NCOA3: variants seen among roughly 807,000 people sequenced by gnomAD.
The protein encoded by NCOA3 is nuclear receptor coactivator 3.
NCOA3 carries 51 observed loss-of-function variants against 158.8 expected under a neutral mutation model. The observed-to-expected ratio is 0.32, with a 90% CI of 0.26 to 0.41. NCOA3 has a LOEUF of 0.41. Ranked by LOEUF, NCOA3 falls within the 10% of genes least tolerant of loss-of-function variation. The pLI is 1.00. For missense variants in NCOA3, 1,510 were observed against 1,746.6 expected (o/e 0.86, Z 2.41); for synonymous variants, 537 against 592.4 (o/e 0.91, Z 1.36).
At chr20:47,588,722 G>A (rs938115323) in intron 2 of NCOA3, among the ~76,000 whole-genome samples, 2 of 151,666 alleles carry the variant, frequency 1.3e-5, no homozygotes, top group Non-Finnish European at 2.9e-5. Context: ...GTATCTGTAT[G>A]TTTTATTTAT....
chr20:47,648,829 GACTTTT>G (rs1568756394), intron 18 of NCOA3, among the ~76,000 whole-genome samples, 170 bp from the exon 19 acceptor site: 1 of 152,176 alleles, frequency 6.6e-6, no homozygotes, highest in Non-Finnish European at 1.5e-5. Context: ...GCTAGCCAAA[GACTTTT>G]CAACATTGAC....
intron 6 of NCOA3, 51 bp downstream of exon 6, chr20:47,627,227 C>T: frequency 1.4e-6 from 2 of 1,400,714 alleles, no homozygotes; most frequent in East Asian, 2.3e-5. Context: ...TTTCCTTGAC[C>T]ATTTCTTAGA....
intron 1 of NCOA3, among the ~76,000 whole-genome samples, chr20:47,548,834 G>T (rs868726904): frequency 1.3e-5 from 2 of 152,194 alleles, no homozygotes; most frequent in African/African-American, 4.8e-5. Flanking sequence ...TTAGGCACAA[G>T]ATGTGAAATA....
intron 1 of NCOA3, among the ~76,000 whole-genome samples, chr20:47,580,377 C>T (rs1013662342): frequency 2.0e-5 from 3 of 152,028 alleles, no homozygotes; most frequent in African/African-American, 7.3e-5. Context: ...CCAGCCTGGC[C>T]AATGTAGTGA....
intron 1 of NCOA3, among the ~76,000 whole-genome samples, chr20:47,564,732 TTTTC>T (rs1428942460): frequency 6.6e-6 from 1 of 152,148 alleles, no homozygotes; most frequent in African/African-American, 2.4e-5. Context: ...CACAATACCA[TTTTC>T]TTTATTTTAC....
Position 47,558,232 on chromosome 20 carries a change from ATTTTTTTTTTTTTTTTTT to A in NCOA3, c.-98-24939_-98-24922del, listed in dbSNP as rs71183263. 1.3e-4 allele frequency among the ~76,000 whole-genome samples: 7 copies of A among 55,534 alleles called. No individual in the cohort carries two copies. The Admixed American group carries it at 1.8e-3, about 14-fold the overall frequency. The allele number at this position is 55,534 out of a possible 152,430, so 36.4% of individuals were successfully genotyped here. A position where few individuals can be genotyped will look rare whatever the true frequency, so the allele number is the denominator to read the frequency against. ...CACCTCCACGCCCAGCTAATTTTGT[ATTTTTTTTTTTTTTTTTT>A]TTTTTTTTTTTAGTAGAGATGGGGT... On this transcript the variant is annotated intron_variant, in intron 1 of 22. Transcript: ENST00000371998.
At chr20:47,567,760 G>A (rs1298235439) in intron 1 of NCOA3, among the ~76,000 whole-genome samples, 2 of 151,994 alleles carry the variant, frequency 1.3e-5, no homozygotes, top group East Asian at 3.9e-4. Context: ...TAGTAGAGAC[G>A]GGGTTTCACC....
intron 2 of NCOA3, among the ~76,000 whole-genome samples, chr20:47,592,884 C>T (rs1018554235): frequency 6.6e-5 from 10 of 152,158 alleles, no homozygotes; most frequent in African/African-American, 2.2e-4. Flanking sequence ...GACATTCCTC[C>T]AGCAGTGAAA....
intron 6 of NCOA3, 38 bp from the exon 7 acceptor site, chr20:47,627,523 C>T (rs1258733810): frequency 2.0e-6 from 3 of 1,518,256 alleles, no homozygotes; most frequent in East Asian, 2.3e-5. Context: ...AATGAGTTAC[C>T]AGCTTTTTAA....
chr20:47,625,438 A>C lies in NCOA3; in HGVS notation c.314A>C (p.Gln105Pro). ...VQKADVSSTG[Q>P]GVIDKDSLGP... is the part of the protein sequence containing the mutation. ...AAAGCCGATGTATCTTCTACAGGGCAGGGAGTTATTGATAAAGACTCCTTA... is the reference window on the plus strand; with the variant it reads ...AAAGCCGATGTATCTTCTACAGGGCCGGGAGTTATTGATAAAGACTCCTTA... The change falls in exon 5 of 23, where the codon CAG becomes CCG. Residue 105 changes from glutamine (Q) to proline (P), a missense_variant. Transcript: ENST00000371998. 1 of 1,613,862 alleles carries C rather than the reference A, an allele frequency of 6.2e-7. No homozygotes were observed. Among genetic ancestry groups the C allele is most frequent in the Non-Finnish European group, 8.5e-7 (1 of 1,179,826 alleles).
intron 1 of NCOA3, among the ~76,000 whole-genome samples, chr20:47,515,588 G>A (rs117028969): frequency 0.013 from 2,012 of 150,486 alleles, 20 homozygotes; most frequent in Non-Finnish European, 0.019. Flanking sequence ...GGGTTTAAGC[G>A]ATTCTTATGC....
At chr20:47,641,490 C>CTTTTTT (rs71183270) in intron 16 of NCOA3, among the ~76,000 whole-genome samples, 672 of 48,374 alleles carry the variant, frequency 0.014, 85 homozygotes, top group Non-Finnish European at 0.019. Context: ...TGGCTCCCTT[C>CTTTTTT]TTTTTTTTTT....
chr20:47,517,144 G>C (rs1019578856), intron 1 of NCOA3, among the ~76,000 whole-genome samples: 1 of 152,162 alleles, frequency 6.6e-6, no homozygotes, highest in East Asian at 1.9e-4. Context: ...CTTGAACCTT[G>C]GAGGTGGAGG....
At position 47,565,570 on chromosome 20, in the gene NCOA3, G is replaced by A. The variant is rs552407692; in HGVS notation, c.-98-17613G>A. ...GTCTCTACTAAAACCACAAAAATTA[G>A]CTGGGCATAGTGTCATGCACCTGTA... is the stretch of plus-strand genomic sequence containing the variant. On this transcript the variant is annotated intron_variant, in intron 1 of 22. Transcript: ENST00000371998. Among the ~76,000 whole-genome samples, 14 of 152,190 alleles carry A rather than the reference G, an allele frequency of 9.2e-5. No individual in the cohort carries two copies. In the East Asian group the frequency reaches 2.5e-3, roughly 27 times the overall value.
chr20:47,609,145 G>C (rs893781440), intron 2 of NCOA3, among the ~76,000 whole-genome samples: 2 of 152,108 alleles, frequency 1.3e-5, no homozygotes, highest in Non-Finnish European at 2.9e-5. Context: ...AATTTCTGAT[G>C]ATCTACTTAC....
At chr20:47,590,678 T>G (rs1206040898) in intron 2 of NCOA3, among the ~76,000 whole-genome samples, 1 of 152,158 alleles carries the variant, frequency 6.6e-6, no homozygotes. Context: ...GCATTGTGTG[T>G]CACATGCCTG....
chr20:47,635,999 T>C lies in NCOA3; in HGVS notation c.1613T>C (p.Leu538Ser), dbSNP rs756520089. Residue 538 changes from leucine (L) to serine (S), a missense_variant, in exon 12 of 23, where the codon TTA becomes TCA. Physicochemically the swap from Leu to Ser is moderately radical, Grantham distance 145 (BLOSUM62 -2). This residue lies in a region of NCOA3 where 1,017 missense variants were observed against 1,098.3 expected (regional missense o/e 0.93). Coordinates refer to ENST00000371998, the MANE Select transcript of NCOA3 (RefSeq NM_181659.3). ...AISEGVGTSL[L>S]STLSSPGPKL... ...AGTGAAGGTGTGGGGACTTCCCTTTTATCTACTCTGTCATCACCAGGCCCC... is the reference window on the plus strand; with the variant it reads ...AGTGAAGGTGTGGGGACTTCCCTTTCATCTACTCTGTCATCACCAGGCCCC... 1 of 1,614,176 alleles carries C rather than the reference T, an allele frequency of 6.2e-7. No individual in the cohort carries two copies. The highest frequency in any genetic ancestry group is 8.5e-7 in the Non-Finnish European group (1 of 1,180,040).
rs11407921 is a variant in NCOA3 at position 47,552,930 on chromosome 20, AT to A, written c.-98-30236del. Among the ~76,000 whole-genome samples, 713 of 142,542 alleles carry A rather than the reference AT, an allele frequency of 5.0e-3. 4 individuals carry two copies. The highest frequency in any genetic ancestry group is 7.8e-3 in the African/African-American group (301 of 38,664). The allele number at this position is 142,542 out of a possible 152,430, so 93.5% of individuals were successfully genotyped here. ...CATGCTTTTCAAAATACATGGTTAGATTTTTTTTTTTTTTTTTAAGACAGGG... is the reference window on the plus strand; with the variant it reads ...CATGCTTTTCAAAATACATGGTTAGATTTTTTTTTTTTTTTTAAGACAGGG... On this transcript the variant is annotated intron_variant, in intron 1 of 22. Coordinates refer to ENST00000371998, the MANE Select transcript of NCOA3 (RefSeq NM_181659.3).
chr20:47,631,236 G>C (rs774495438), intron 8 of NCOA3: 2 of 152,216 alleles, frequency 1.3e-5, no homozygotes, highest in Non-Finnish European at 2.9e-5. Flanking sequence ...TCATTATGCA[G>C]ATCAGCAAGG....
Sources: gnomAD v4.1 joint callset for allele counts (sites outside exome capture counted in the v4.1 genomes callset) on GRCh38, gnomAD v4.1.1 for gene constraint, gnomAD v4.1.1 regional missense constraint, MANE v1.5 for transcripts, NCBI Gene and HGNC (gene_info 2026-07-23, HGNC 2026-07-21) for gene names.